The following LZIC variants were observed in gnomAD, a reference collection of about 807,000 sequenced individuals.
The protein encoded by LZIC is leucine zipper and CTNNBIP1 domain containing, also known as protein LZIC.
A neutral mutation model predicts 25.4 loss-of-function variants in LZIC; 28 were observed. That is an observed-to-expected ratio of 1.10 (90% confidence interval 0.82 to 1.51). LZIC has a LOEUF of 1.51. Ranked by LOEUF, LZIC falls within the 40% of genes most tolerant of loss-of-function variation. The pLI, the probability that LZIC is intolerant of heterozygous loss-of-function variation, is 0.00. For synonymous variants in LZIC, 65 were observed against 70.7 expected (o/e 0.92, Z 0.40); for missense variants, 170 against 211.1 (o/e 0.81, Z 1.21).
chr1:9,925,157 C>CAAAAAAAAAAA (rs35578033), downstream of LZIC, among the ~76,000 whole-genome samples: 1 of 101,314 alleles, frequency 9.9e-6, no homozygotes, highest in African/African-American at 3.1e-5. Flanking sequence ...ACTAAAAATA[C>CAAAAAAAAAAA]AAAAAAAAAA....
chr1:9,933,247 T>C (rs1570636442), intron 5 of LZIC, among the ~76,000 whole-genome samples: 2 of 70,512 alleles, frequency 2.8e-5, no homozygotes, highest in Non-Finnish European at 2.4e-5. Context: ...AGAGCAAGAC[T>C]CCACCACAAA....
chr1:9,929,198 A>T lies in LZIC; in HGVS notation c.*1201T>A. On this transcript the variant is annotated 3_prime_UTR_variant, in exon 8 of 8. Transcript: ENST00000377223. ...ATGATATATGAATTTCACCTCTTTT[A>T]AGTTCCAAATAAGGCATCAGTGTAG... The T allele has an allele frequency of 1.9e-6, 1 of 513,610 alleles. No homozygotes were observed. Among genetic ancestry groups the T allele is most frequent in the Non-Finnish European group, 2.5e-6 (1 of 399,044 alleles). 31.8% of individuals were successfully genotyped at this position (513,610 alleles called of 1,614,324 possible). A position where few individuals can be genotyped will look rare whatever the true frequency, so the allele number is the denominator to read the frequency against.
chr1:9,936,871 C>A (rs1272066196), intron 2 of LZIC, among the ~76,000 whole-genome samples: 1 of 152,238 alleles, frequency 6.6e-6, no homozygotes, highest in Non-Finnish European at 1.5e-5. Context: ...GTGGCTCAGG[C>A]CTGTAATCCC....
chr1:9,928,237 TG>T lies in LZIC; in HGVS notation c.*2161del, dbSNP rs1342413634. The stretch of plus-strand genomic sequence containing the variant: ...CTGAGGCAGGAGAATCGCTTGAACC[TG>T]GGAGGCAGAAGTTGTGGTGAGCCGA... On this transcript the variant is annotated 3_prime_UTR_variant, in exon 8 of 8. Coordinates refer to ENST00000377223, the MANE Select transcript of LZIC (RefSeq NM_032368.5). 6.6e-6 allele frequency among the ~76,000 whole-genome samples: 1 copy of T among 151,958 alleles called. No individual in the cohort carries two copies. The highest frequency in any genetic ancestry group is 1.5e-5 in the Non-Finnish European group (1 of 67,992).
chr1:9,938,063 A>G (rs975157098), intron 2 of LZIC, among the ~76,000 whole-genome samples: 2 of 152,066 alleles, frequency 1.3e-5, no homozygotes, highest in African/African-American at 2.4e-5. Flanking sequence ...ATATATATAT[A>G]TATGTAGATC....
intron 6 of LZIC, 118 bp downstream of exon 6, chr1:9,932,685 G>GAAAAAA (rs34009055): frequency 1.3e-4 from 36 of 282,814 alleles, no homozygotes; most frequent in African/African-American, 2.6e-4. Context: ...CTCCGTCTCA[G>GAAAAAA]AAAAAAAAAA....
At position 9,942,789 on chromosome 1, in the gene LZIC, A is replaced by G. The variant is rs1223651142; in HGVS notation, c.-167-7T>C. 6.0e-6 allele frequency: 5 copies of G among 839,306 alleles called. No homozygotes were observed. The highest frequency in any genetic ancestry group is 1.7e-6 in the Non-Finnish European group (1 of 577,848). 52.0% of individuals were successfully genotyped at this position (839,306 alleles called of 1,614,324 possible). On this transcript the variant is annotated splice_region_variant and splice_polypyrimidine_tract_variant and intron_variant, in intron 1 of 7. Transcript: ENST00000377223. ...CCACCTCGGGGTGGAGATGCTGGAAAAAAGGAAACCATTAACAAGTAATTT... is the reference window on the plus strand; with the variant it reads ...CCACCTCGGGGTGGAGATGCTGGAAGAAAGGAAACCATTAACAAGTAATTT...
Position 9,929,112 on chromosome 1 carries a change from T to C in LZIC, c.*1287A>G, listed in dbSNP as rs1336419673. The stretch of plus-strand genomic sequence containing the variant: ...ATGTTCTGCAACTAGAGAGTAGTGA[T>C]GGTTGCACACCACTGTAAATGTTCT... On this transcript the variant is annotated 3_prime_UTR_variant, in exon 8 of 8. Transcript: ENST00000377223. 1 of 175,602 alleles carries C rather than the reference T, an allele frequency of 5.7e-6. No individual in the cohort carries two copies. Among genetic ancestry groups the C allele is most frequent in the Non-Finnish European group, 1.1e-5 (1 of 89,510 alleles). 10.9% of individuals were successfully genotyped at this position (175,602 alleles called of 1,614,324 possible).
At chr1:9,939,717 T>C (rs953694762) in intron 2 of LZIC, among the ~76,000 whole-genome samples, 8 of 152,180 alleles carry the variant, frequency 5.3e-5, no homozygotes, top group African/African-American at 1.9e-4. Context: ...CGATAACTGA[T>C]AATGACTTGC....
At position 9,927,532 on chromosome 1, in the gene LZIC, T is replaced by C; in HGVS notation, c.*2867A>G. On this transcript the variant is annotated 3_prime_UTR_variant, in exon 8 of 8. Coordinates refer to ENST00000377223, the MANE Select transcript of LZIC (RefSeq NM_032368.5). ...GGCCAGGCTGGTCTCAAATCCTGAG[T>C]TCAGGCGATCCGCCCACCTCTGCCT... is the stretch of plus-strand genomic sequence containing the variant. 6.6e-6 allele frequency among the ~76,000 whole-genome samples: 1 copy of C among 151,302 alleles called. No individual in the cohort carries two copies. Among genetic ancestry groups the C allele is most frequent in the Admixed American group, 6.6e-5 (1 of 15,134 alleles).
At position 9,926,926 on chromosome 1, in the gene LZIC, C is replaced by A. The variant is rs952155200; in HGVS notation, c.*3473G>T. 6.6e-6 allele frequency among the ~76,000 whole-genome samples: 1 copy of A among 152,152 alleles called. No homozygotes were observed. The highest frequency in any genetic ancestry group is 6.5e-5 in the Admixed American group (1 of 15,272). On this transcript the variant is annotated 3_prime_UTR_variant, in exon 8 of 8. Coordinates refer to ENST00000377223, the MANE Select transcript of LZIC (RefSeq NM_032368.5). ...TCAAATACTTATTCTGAATGAATAC[C>A]AAATTTGTGAAACAAAATATATCCT...
At chr1:9,922,270 C>CT (rs1639884294), downstream of LZIC, 1 of 984,522 alleles carries the variant, frequency 1.0e-6, no homozygotes, top group Non-Finnish European at 1.2e-6. Flanking sequence ...GGTCCTGGAT[C>CT]TTTAACAGGA....
At chr1:9,943,008 C>G (rs544483808) in intron 1 of LZIC, 4 of 332,122 alleles carry the variant, frequency 1.2e-5, no homozygotes, top group Admixed American at 7.6e-5. Context: ...TGGCGTCAAA[C>G]CCAGAGGCTT....
chr1:9,936,458 C>T (rs905646076), intron 3 of LZIC, 61 bp downstream of exon 3: 13 of 1,038,288 alleles, frequency 1.3e-5, no homozygotes, highest in Admixed American at 8.7e-5. Flanking sequence ...CCTGCATCCA[C>T]GGAGCTAGCT....
chr1:9,923,574 G>T (rs1639911886), downstream of LZIC, among the ~76,000 whole-genome samples: 2 of 137,586 alleles, frequency 1.5e-5, no homozygotes, highest in Non-Finnish European at 3.0e-5. Flanking sequence ...ATAATGCCTA[G>T]GCTGGACTAG....
At position 9,930,554 on chromosome 1, in the gene LZIC, CAG is replaced by C. The variant is rs1237327296; in HGVS notation, c.515-99_515-98del. 7 of 1,529,250 alleles carry C rather than the reference CAG, an allele frequency of 4.6e-6. No homozygotes were observed. The African/African-American group carries it at 5.6e-5, about 12-fold the overall frequency. The allele number at this position is 1,529,250 out of a possible 1,614,324, so 94.7% of individuals were successfully genotyped here. ...AAAATCTATCATATAGATATTAAAA[CAG>C]AAAATATAATTAGCCTCCATTATCA... On this transcript the variant is annotated intron_variant, in intron 7 of 7. Transcript: ENST00000377223.
At chr1:9,922,272 T>G, downstream of LZIC, 2 of 984,720 alleles carry the variant, frequency 2.0e-6, no homozygotes, top group Non-Finnish European at 2.4e-6. Context: ...TCCTGGATCT[T>G]TAACAGGAAG....
intron 2 of LZIC, among the ~76,000 whole-genome samples, chr1:9,940,333 C>T (rs946614614): frequency 1.3e-5 from 2 of 152,008 alleles, no homozygotes; most frequent in Non-Finnish European, 2.9e-5. Context: ...CCCGCCACCA[C>T]GCCCAGCTTA....
downstream of LZIC, among the ~76,000 whole-genome samples, chr1:9,924,440 C>T (rs1054999007): frequency 2.0e-5 from 3 of 151,630 alleles, no homozygotes; most frequent in East Asian, 1.9e-4. Context: ...CTGCAACCTC[C>T]GCCTCCCGGG....
Sources: gnomAD v4.1 joint callset for allele counts (sites outside exome capture counted in the v4.1 genomes callset) on GRCh38, gnomAD v4.1.1 for gene constraint, MANE v1.5 for transcripts, NCBI Gene and HGNC (gene_info 2026-07-23, HGNC 2026-07-21) for gene names.